Variants in NFYC observed in about 807,000 individuals in gnomAD.
NFYC encodes the protein nuclear transcription factor Y subunit gamma.
A neutral mutation model predicts 53.1 loss-of-function variants in NFYC; 25 were observed. That is an observed-to-expected ratio of 0.47 (90% CI 0.34 to 0.66). The LOEUF is 0.66. Among genes scored for constraint, NFYC ranks in the 30% least tolerant of loss-of-function variants. NFYC has a pLI of 0.01. For missense variants in NFYC, 260 were observed against 422.7 expected (o/e 0.62, Z 3.38); for synonymous variants, 145 against 152.6 (o/e 0.95, Z 0.37).
At chr1:40,748,679 A>G (rs999199240) in intron 3 of NFYC, among the ~76,000 whole-genome samples, 2 of 152,160 alleles carry the variant, frequency 1.3e-5, no homozygotes, top group African/African-American at 4.8e-5. Flanking sequence ...TCCATTACAG[A>G]TCTCAGAGAA....
At chr1:40,750,363 T>C (rs1490718750) in intron 4 of NFYC, among the ~76,000 whole-genome samples, 2 of 152,230 alleles carry the variant, frequency 1.3e-5, no homozygotes, top group Admixed American at 6.5e-5. Flanking sequence ...TTATTTTCTC[T>C]TCTTGTTTCC....
At chr1:40,716,998 G>A (rs777618561) in intron 1 of NFYC, among the ~76,000 whole-genome samples, 19 of 152,170 alleles carry the variant, frequency 1.2e-4, no homozygotes, top group Non-Finnish European at 2.6e-4. Context: ...TTTGGGGCAC[G>A]TGGAATTTCA....
At chr1:40,748,625 G>A (rs1570619601) in intron 3 of NFYC, among the ~76,000 whole-genome samples, 1 of 152,228 alleles carries the variant, frequency 6.6e-6, no homozygotes, top group South Asian at 2.1e-4. Context: ...CTTGTGAGAG[G>A]GTTTGCGTGG....
intron 2 of NFYC, among the ~76,000 whole-genome samples, chr1:40,744,018 A>G (rs1645483593): frequency 6.6e-6 from 1 of 152,192 alleles, no homozygotes; most frequent in African/African-American, 2.4e-5. Flanking sequence ...AGGGGTCCCC[A>G]ACCCCTGGGC....
chr1:40,769,441 A>T, intron 9 of NFYC, 26 bp downstream of exon 9: 1 of 1,611,386 alleles, frequency 6.2e-7, no homozygotes, highest in Non-Finnish European at 8.5e-7. Context: ...TGGGCTGGGC[A>T]GAGGGTGAGG....
chr1:40,740,327 G>A (rs1168154391), intron 2 of NFYC, among the ~76,000 whole-genome samples: 1 of 152,150 alleles, frequency 6.6e-6, no homozygotes, highest in Non-Finnish European at 1.5e-5. Context: ...AGATACTGTG[G>A]ATACAGTAAT....
intron 6 of NFYC, among the ~76,000 whole-genome samples, chr1:40,760,093 C>T (rs1354627122): frequency 6.6e-6 from 1 of 152,182 alleles, no homozygotes; most frequent in African/African-American, 2.4e-5. Context: ...GGAGCTGGGA[C>T]TCCCAGGCAT....
intron 6 of NFYC, among the ~76,000 whole-genome samples, chr1:40,759,724 A>G (rs1646441449): frequency 6.6e-6 from 1 of 152,064 alleles, no homozygotes; most frequent in Non-Finnish European, 1.5e-5. Context: ...GGAACAGTGG[A>G]AATTAATCAA....
At chr1:40,712,299 A>C (rs1046591158) in intron 1 of NFYC, 1 of 152,186 alleles carries the variant, frequency 6.6e-6, no homozygotes, top group East Asian at 1.9e-4. Context: ...TTTACTCATC[A>C]AGATCCTTGT....
intron 1 of NFYC, among the ~76,000 whole-genome samples, chr1:40,716,704 C>T (rs1462010269): frequency 6.6e-6 from 1 of 152,082 alleles, no homozygotes; most frequent in South Asian, 2.1e-4. Flanking sequence ...TAGAATTGTA[C>T]GTGGCACACA....
chr1:40,767,037 A>G, intron 8 of NFYC: 3 of 1,486,650 alleles, frequency 2.0e-6, no homozygotes, highest in East Asian at 2.5e-5. Context: ...GGCTGTTTCC[A>G]TCTTTAAACC....
At chr1:40,767,339 G>A (rs1160624847) in intron 8 of NFYC, 2 of 293,546 alleles carry the variant, frequency 6.8e-6, no homozygotes, top group African/African-American at 4.3e-5. Flanking sequence ...TCGTTTAAGA[G>A]CTGGACCCGT....
intron 2 of NFYC, among the ~76,000 whole-genome samples, chr1:40,742,518 G>A (rs1458302347): frequency 2.6e-5 from 4 of 152,186 alleles, no homozygotes; most frequent in Non-Finnish European, 4.4e-5. Flanking sequence ...TTTGGTTCAA[G>A]TTTTGTGGGT....
chr1:40,717,465 C>T (rs1049769445), intron 1 of NFYC, among the ~76,000 whole-genome samples: 2 of 152,156 alleles, frequency 1.3e-5, no homozygotes, highest in African/African-American at 4.8e-5. Flanking sequence ...CATTGTTAGC[C>T]TACATCTTCC....
At chr1:40,708,371 C>T (rs1643820600) in intron 1 of NFYC, among the ~76,000 whole-genome samples, 1 of 152,118 alleles carries the variant, frequency 6.6e-6, no homozygotes, top group South Asian at 2.1e-4. Context: ...AAATACTATA[C>T]CATTTTATAT....
chr1:40,750,757 C>G (rs911578980), intron 4 of NFYC, among the ~76,000 whole-genome samples: 1 of 151,988 alleles, frequency 6.6e-6, no homozygotes, highest in African/African-American at 2.4e-5. Context: ...TTGGACAGAC[C>G]TTCAGAAAAA....
rs373633611 is a variant in NFYC at position 40,713,599 on chromosome 1, A to C, written c.-9+21732A>C. Among the ~76,000 whole-genome samples the C allele has an allele frequency of 9.2e-5, 14 of 152,300 alleles. No homozygotes were observed. The East Asian group carries it at 1.7e-3, about 19-fold the overall frequency. On this transcript the variant is annotated intron_variant, in intron 1 of 9. Coordinates refer to ENST00000447388, the MANE Select transcript of NFYC (RefSeq NM_014223.5). Reference sequence around the variant, plus strand: ...TGCATACAGAGTTTGAATACATCTAAATTAGGCTGATGGGAATCACTTAGG... The same window carrying C: ...TGCATACAGAGTTTGAATACATCTACATTAGGCTGATGGGAATCACTTAGG...
chr1:40,753,152 G>T lies in NFYC; in HGVS notation c.293G>T (p.Arg98Ile). The change falls in exon 5 of 10, where the codon AGA becomes ATA. Residue 98 changes from arginine to isoleucine, a missense_variant and splice_region_variant. Transcript: ENST00000447388. ...TEDNKRRTLQ[R>I]NDIAMAITKF... ...TCACACCGCTCTTCTTTGTTACAGA[G>T]AAATGATATCGCCATGGCAATTACA... is the stretch of plus-strand genomic sequence containing the variant. 6.2e-7 allele frequency: 1 copy of T among 1,610,162 alleles called. No homozygotes were observed. The highest frequency in any genetic ancestry group is 8.5e-7 in the Non-Finnish European group (1 of 1,176,656).
intron 1 of NFYC, among the ~76,000 whole-genome samples, chr1:40,719,230 T>C (rs1644249500): frequency 6.6e-6 from 1 of 152,220 alleles, no homozygotes; most frequent in African/African-American, 2.4e-5. Flanking sequence ...AATCCTTGCT[T>C]ACCCCTAGTG....
Sources: allele counts gnomAD v4.1 joint callset (sites outside exome capture counted in the v4.1 genomes callset), GRCh38; gene constraint gnomAD v4.1.1; transcripts MANE v1.5; gene names NCBI Gene and HGNC (gene_info 2026-07-23, HGNC 2026-07-21).